CREB5: variants seen among roughly 807,000 people sequenced by gnomAD.
The protein encoded by CREB5 is cyclic AMP-responsive element-binding protein 5.
Under a neutral mutation model 57.1 loss-of-function variants are expected in CREB5, and 19 were observed. The observed-to-expected ratio is 0.33, with a 90% CI of 0.23 to 0.49. The LOEUF (loss-of-function observed/expected upper bound fraction) is 0.49, where lower values mean the gene tolerates loss of function less well. Ranked by LOEUF, CREB5 falls within the 20% of genes least tolerant of loss-of-function variation. CREB5 has a pLI of 0.99. For synonymous variants in CREB5, 238 were observed against 238.3 expected, an observed-to-expected ratio of 1.00 and a Z score of 0.01; for missense variants, 579 against 671.6, an observed-to-expected ratio of 0.86 and a Z score of 1.52.
chr7:28,558,045 A>G (rs1465392974), intron 4 of CREB5, among the ~76,000 whole-genome samples: 2 of 152,202 alleles, frequency 1.3e-5, no homozygotes, highest in Non-Finnish European at 2.9e-5. Context: ...GGGCACTGTC[A>G]TGCCCAGTTG....
chr7:28,464,758 G>A (rs892687841), intron 1 of CREB5, among the ~76,000 whole-genome samples: 10 of 151,678 alleles, frequency 6.6e-5, no homozygotes, highest in African/African-American at 2.2e-4. Context: ...CTACCATGAG[G>A]GCTCCTGAAT....
chr7:28,564,187 A>G (rs563252542), intron 4 of CREB5, among the ~76,000 whole-genome samples: 1 of 152,356 alleles, frequency 6.6e-6, no homozygotes, highest in East Asian at 1.9e-4. Flanking sequence ...ATTAAGATGC[A>G]GACAACTCTA....
intron 5 of CREB5, among the ~76,000 whole-genome samples, chr7:28,669,913 G>A (rs563532073): frequency 6.6e-6 from 1 of 152,356 alleles, no homozygotes; most frequent in African/African-American, 2.4e-5. Context: ...GGCACAACAA[G>A]GGGAGCCCCC....
At chr7:28,744,886 A>C (rs1204629646) in intron 7 of CREB5, among the ~76,000 whole-genome samples, 1 of 152,128 alleles carries the variant, frequency 6.6e-6, no homozygotes, top group Non-Finnish European at 1.5e-5. Flanking sequence ...TTCTCTAAGG[A>C]TCTGTAAAGC....
Position 28,819,241 on chromosome 7 carries a change from C to G in CREB5, c.1489C>G (p.Leu497Val), listed in dbSNP as rs996473654. ...GGTAGGAAGCTCCACCCTCAGCCAGCTCACCACTCACAGAACAGACCTGAA... is the reference window on the plus strand; with the variant it reads ...GGTAGGAAGCTCCACCCTCAGCCAGGTCACCACTCACAGAACAGACCTGAA... ...EVVGSSTLSQLTTHRTDLNPI... is the reference protein window; with the variant it reads ...EVVGSSTLSQVTTHRTDLNPI... The change falls in exon 11 of 11, where the codon CTC (leucine) becomes GTC (valine). Residue 497 changes from leucine to valine, a missense_variant. By Grantham distance (32) the Leu-to-Val change is conservative. Transcript: ENST00000357727. The G allele has an allele frequency of 6.2e-7, 1 of 1,613,814 alleles. No homozygotes were observed. Among genetic ancestry groups the G allele is most frequent in the African/African-American group, 1.3e-5 (1 of 74,990 alleles).
intron 4 of CREB5, among the ~76,000 whole-genome samples, chr7:28,542,554 G>A (rs1376633451): frequency 6.6e-6 from 1 of 152,114 alleles, no homozygotes; most frequent in African/African-American, 2.4e-5. Context: ...CATCAGTAAT[G>A]CAGAGGGACG....
At chr7:28,786,169 C>T (rs1319772512) in intron 7 of CREB5, among the ~76,000 whole-genome samples, 1 of 152,054 alleles carries the variant, frequency 6.6e-6, no homozygotes, top group South Asian at 2.1e-4. Context: ...TAGCATAAAA[C>T]AGAAAATTAA....
At chr7:28,331,288 G>C (rs959934056) in intron 1 of CREB5, among the ~76,000 whole-genome samples, 1 of 151,796 alleles carries the variant, frequency 6.6e-6, no homozygotes, top group Non-Finnish European at 1.5e-5. Flanking sequence ...GTGTTCCTAA[G>C]ACATTTTTTA....
At chr7:28,336,007 T>C (rs1785815808) in intron 1 of CREB5, among the ~76,000 whole-genome samples, 1 of 152,178 alleles carries the variant, frequency 6.6e-6, no homozygotes, top group African/African-American at 2.4e-5. Context: ...GTTGATTGAT[T>C]TGCATATGTT....
At chr7:28,729,930 C>T (rs183341561) in intron 7 of CREB5, among the ~76,000 whole-genome samples, 1 of 152,254 alleles carries the variant, frequency 6.6e-6, no homozygotes, top group East Asian at 1.9e-4. Flanking sequence ...CTGTGAAAAC[C>T]ACTGTCCACC....
intron 1 of CREB5, among the ~76,000 whole-genome samples, chr7:28,345,019 T>G (rs991316683): frequency 6.6e-6 from 1 of 152,104 alleles, no homozygotes; most frequent in Admixed American, 6.6e-5. Flanking sequence ...AAAGCAAATA[T>G]TAATGGACAA....
chr7:28,506,715 A>G (rs1010185686), intron 3 of CREB5, among the ~76,000 whole-genome samples: 1 of 152,226 alleles, frequency 6.6e-6, no homozygotes, highest in Non-Finnish European at 1.5e-5. Flanking sequence ...ACTCAAGTAC[A>G]CCTTCACCAA....
chr7:28,468,182 A>G (rs1457773507), intron 1 of CREB5, among the ~76,000 whole-genome samples: 1 of 152,146 alleles, frequency 6.6e-6, no homozygotes, highest in South Asian at 2.1e-4. Context: ...TAGGGGGCTC[A>G]TTTCTGGGAT....
At chr7:28,709,241 A>G (rs76590726) in intron 5 of CREB5, among the ~76,000 whole-genome samples, 3 of 152,166 alleles carry the variant, frequency 2.0e-5, no homozygotes, top group African/African-American at 4.8e-5. Context: ...GGTAAAGCCA[A>G]CTGTTCAGGC....
chr7:28,380,730 G>C (rs1562683547), intron 1 of CREB5, among the ~76,000 whole-genome samples: 1 of 152,140 alleles, frequency 6.6e-6, no homozygotes, highest in East Asian at 1.9e-4. Flanking sequence ...GAAGGAAGCT[G>C]TCACCATTTT....
chr7:28,307,838 A>C (rs2127980542), intron 1 of CREB5, among the ~76,000 whole-genome samples: 1 of 152,374 alleles, frequency 6.6e-6, no homozygotes, highest in Middle Eastern at 3.4e-3. Flanking sequence ...TTGCACATCT[A>C]ATTCCAAGGC....
At position 28,809,390 on chromosome 7, in the gene CREB5, C is replaced by T; in HGVS notation, c.1230C>T (p.Leu410=). 1 of 1,613,642 alleles carries T rather than the reference C, an allele frequency of 6.2e-7. No individual in the cohort carries two copies. The highest frequency in any genetic ancestry group is 8.5e-7 in the Non-Finnish European group (1 of 1,179,840). The change falls in exon 9 of 11, where the codon CTC becomes CTT. Residue 410 remains leucine (L), a synonymous_variant. Coordinates refer to ENST00000357727, the MANE Select transcript of CREB5 (RefSeq NM_182898.4). ...CATTGGAAAAGAAAGCAGAAGAACT[C>T]ACCCAGACAAACATGCAGCTTCAGG... is the stretch of plus-strand genomic sequence containing the variant. ...VMSLEKKAEE[L]TQTNMQLQNE...
chr7:28,338,489 A>G (rs1253293553), intron 1 of CREB5, among the ~76,000 whole-genome samples: 1 of 152,126 alleles, frequency 6.6e-6, no homozygotes, highest in Non-Finnish European at 1.5e-5. Flanking sequence ...CTGCTGCCAG[A>G]TGTATTGAAG....
At chr7:28,395,061 A>G (rs1787309325) in intron 1 of CREB5, among the ~76,000 whole-genome samples, 1 of 152,008 alleles carries the variant, frequency 6.6e-6, no homozygotes, top group Admixed American at 6.5e-5. Context: ...GGGTCTTAGG[A>G]GAAAAAAATT....
Sources: gnomAD v4.1 joint callset for allele counts (sites outside exome capture counted in the v4.1 genomes callset) on GRCh38, gnomAD v4.1.1 for gene constraint, MANE v1.5 for transcripts, NCBI Gene and HGNC (gene_info 2026-07-23, HGNC 2026-07-21) for gene names.